Variants in CCDC194 observed in about 807,000 individuals in gnomAD.
The protein encoded by CCDC194 is coiled-coil domain-containing protein 194.
A neutral mutation model predicts 4.9 loss-of-function variants in CCDC194; 8 were observed. The ratio of observed to expected loss-of-function variants is 1.65; its 90% CI spans 0.97 to 2.97. The LOEUF (loss-of-function observed/expected upper bound fraction) is 2.97, where lower values mean the gene tolerates loss of function less well. CCDC194 is among the 30% of genes most tolerant of loss of function. CCDC194 has a pLI of 0.00. For synonymous variants in CCDC194, 13 were observed against 17.0 expected, an observed-to-expected ratio of 0.76 and a Z score of 0.58; for missense variants, 52 against 43.1, an observed-to-expected ratio of 1.21 and a Z score of -0.58.
chr19:17,391,823 C>T (rs1223289127), exon 2 of CCDC194: 9 of 1,534,014 alleles, frequency 5.9e-6, no homozygotes, highest in Admixed American at 2.0e-5. Flanking sequence ...TCTTCAGTGT[C>T]GTTAGTTGGG....
In CCDC194 at chr19:17,390,761, C is replaced by G. The variant is rs975973787; in HGVS notation, c.555-102G>C. 4 of 392,584 alleles carry G rather than the reference C, an allele frequency of 1.0e-5. No individual in the cohort carries two copies. Among genetic ancestry groups the G allele is most frequent in the Non-Finnish European group, 1.8e-5 (4 of 222,140 alleles). 24.3% of individuals were successfully genotyped at this position (392,584 alleles called of 1,614,324 possible). ...CGTCCCTTTGCTGGGAACTCCATCC[C>G]CAGAGATCCCCATCTCCCAGGGTTT... On this transcript the variant is annotated intron_variant, in intron 3 of 3. Coordinates refer to ENST00000636079, the Ensembl canonical transcript of CCDC194. This position sits in a 1 kb window ranked among gnomAD's most constrained non-coding sequence, Gnocchi z 5.5.
downstream of CCDC194, among the ~76,000 whole-genome samples, chr19:17,389,694 G>A (rs1040443863): frequency 5.9e-5 from 9 of 152,252 alleles, no homozygotes; most frequent in East Asian, 3.9e-4. Flanking sequence ...GGCTGGGAGC[G>A]GTGGCTCACA....
downstream of CCDC194, among the ~76,000 whole-genome samples, chr19:17,388,337 C>A (rs967063114): frequency 6.6e-6 from 1 of 151,856 alleles, no homozygotes; most frequent in African/African-American, 2.4e-5. Context: ...GTAGCTGGGA[C>A]CACAGGTGCA....
downstream of CCDC194, among the ~76,000 whole-genome samples, chr19:17,388,420 T>C (rs1249965365): frequency 6.6e-6 from 1 of 151,588 alleles, no homozygotes; most frequent in African/African-American, 2.4e-5. Context: ...TTCTTTCTCT[T>C]CTTTCTTTTC....
chr19:17,391,745 C>G lies in CCDC194; in HGVS notation c.421+5G>C. 6.5e-7 allele frequency: 1 copy of G among 1,535,760 alleles called. No homozygotes were observed. Among genetic ancestry groups the G allele is most frequent in the South Asian group, 1.2e-5 (1 of 84,064 alleles). On this transcript the variant is annotated splice_donor_5th_base_variant and intron_variant, in intron 2 of 3. Transcript: ENST00000636079. ...CCCTGCCCACTCCCTTACACCCCAA[C>G]GCACCTGTCAGCGCCCCGTTCTCGG...
At chr19:17,388,362 G>T (rs1214435485), downstream of CCDC194, among the ~76,000 whole-genome samples, 1 of 151,756 alleles carries the variant, frequency 6.6e-6, no homozygotes, top group African/African-American at 2.4e-5. Context: ...ACCAAGCCTG[G>T]CTACTTTCTT....
intron 2 of CCDC194, 29 bp downstream of exon 2, chr19:17,391,721 C>T: frequency 6.5e-7 from 1 of 1,535,628 alleles, no homozygotes; most frequent in Non-Finnish European, 8.7e-7. Flanking sequence ...CACTTCTATC[C>T]CTGCCCACTC....
intron 2 of CCDC194, 122 bp downstream of exon 2, chr19:17,391,628 G>A (rs532302410): frequency 1.4e-4 from 221 of 1,529,250 alleles, no homozygotes; most frequent in Non-Finnish European, 1.2e-4. Context: ...CTTTTCATAA[G>A]TTTTTGCGTT....
chr19:17,392,845 C>T (rs754549908), intron 1 of CCDC194, among the ~76,000 whole-genome samples: 2 of 152,138 alleles, frequency 1.3e-5, no homozygotes, highest in Non-Finnish European at 2.9e-5. Flanking sequence ...TCACACCTGG[C>T]TAATTTTTGT....
At chr19:17,387,426 C>A (rs180904311), downstream of CCDC194, among the ~76,000 whole-genome samples, 30 of 152,006 alleles carry the variant, frequency 2.0e-4, no homozygotes, top group East Asian at 2.9e-3. Context: ...CACACACACA[C>A]AAAAACGGGG....
At chr19:17,387,751 T>C (rs559019039), downstream of CCDC194, among the ~76,000 whole-genome samples, 82 of 152,150 alleles carry the variant, frequency 5.4e-4, 1 homozygote, top group South Asian at 0.017. Flanking sequence ...AGAAAGAAAG[T>C]ACACAACTTA....
downstream of CCDC194, among the ~76,000 whole-genome samples, chr19:17,390,058 G>A (rs1229042284): frequency 1.3e-5 from 2 of 152,118 alleles, no homozygotes; most frequent in Non-Finnish European, 2.9e-5. The surrounding 1 kb of genome is among the most constrained non-coding windows in gnomAD (Gnocchi z 5.5). Flanking sequence ...AGGGATTTGC[G>A]GTTTTCCTAT....
exon 3 of CCDC194, chr19:17,391,218 C>G (rs947103691): frequency 2.5e-6 from 1 of 400,174 alleles, no homozygotes; most frequent in Non-Finnish European, 4.4e-6. Context: ...CACAGGCGTT[C>G]GCGCAGCGCC....
At chr19:17,390,464 A>G (rs1297727586), downstream of CCDC194, 2 of 366,740 alleles carry the variant, frequency 5.5e-6, no homozygotes, top group African/African-American at 2.5e-5. The surrounding 1 kb of genome is among the most constrained non-coding windows in gnomAD (Gnocchi z 5.5). Flanking sequence ...CCCCCCCCCC[A>G]TATGTGTCCT....
downstream of CCDC194, among the ~76,000 whole-genome samples, chr19:17,388,014 G>C (rs1051081860): frequency 3.3e-5 from 5 of 151,454 alleles, no homozygotes; most frequent in African/African-American, 1.2e-4. Flanking sequence ...AGCCTCCCAA[G>C]TAGCTGGGAC....
In CCDC194 at chr19:17,393,376, CTTTTTTTTTTTT is replaced by C. The variant is rs551933814; in HGVS notation, c.324+447_324+458del. 9.3e-3 allele frequency among the ~76,000 whole-genome samples: 1,071 copies of C among 115,396 alleles called. 25 individuals carry two copies. Among genetic ancestry groups the C allele is most frequent in the African/African-American group, 0.042 (1,032 of 24,548 alleles). The allele number at this position is 115,396 out of a possible 152,430, so 75.7% of individuals were successfully genotyped here. A position where few individuals can be genotyped will look rare whatever the true frequency, so the allele number is the denominator to read the frequency against. ...TGGCAAATAGCAAAGGACAGTGAGA[CTTTTTTTTTTTT>C]TTTTTTTTTTTTTTTTTTCAGATGG... is the stretch of plus-strand genomic sequence containing the variant. On this transcript the variant is annotated intron_variant, in intron 1 of 3. Coordinates refer to ENST00000636079, the Ensembl canonical transcript of CCDC194.
intron 1 of CCDC194, 61 bp from the exon 2 acceptor site, chr19:17,391,907 C>T (rs940387490): frequency 7.0e-7 from 1 of 1,422,706 alleles, no homozygotes; most frequent in Non-Finnish European, 9.2e-7. Context: ...GTGATTCGGC[C>T]TGGCCCTTTT....
At chr19:17,391,334 G>T (rs1487724314) in exon 3 of CCDC194, 6 of 435,984 alleles carry the variant, frequency 1.4e-5, no homozygotes, top group Non-Finnish European at 2.4e-5. Context: ...CTCCCAGCGC[G>T]CCAGGGCCTC....
chr19:17,391,605 T>G, intron 2 of CCDC194, 145 bp downstream of exon 2: 2 of 1,517,590 alleles, frequency 1.3e-6, no homozygotes, highest in Non-Finnish European at 8.8e-7. Context: ...GGCCTCTGCA[T>G]GTTGTTTGCA....
Sources: gnomAD v4.1 joint callset for allele counts (sites outside exome capture counted in the v4.1 genomes callset) on GRCh38, gnomAD v4.1.1 for gene constraint, Gnocchi (gnomAD v3.1) non-coding constraint, MANE v1.5 for transcripts, NCBI Gene and HGNC (gene_info 2026-07-23, HGNC 2026-07-21) for gene names.